ZNF468: variants seen among roughly 807,000 people sequenced by gnomAD.
ZNF468 encodes the protein zinc finger protein 468, also known as zinc finger protein ZNF468.
Under a neutral mutation model 7.2 loss-of-function variants are expected in ZNF468, and 8 were observed. The observed-to-expected ratio is 1.11, with a 90% confidence interval of 0.65 to 2.01. The LOEUF (loss-of-function observed/expected upper bound fraction) is 2.01. Among genes scored for constraint, ZNF468 ranks in the 30% most tolerant of loss-of-function variants. ZNF468 has a pLI of 0.00. For missense variants in ZNF468, 608 were observed against 626.5 expected (o/e 0.97, Z 0.31); for synonymous variants, 218 against 214.4 (o/e 1.02, Z -0.15).
At chr19:52,842,184 T>G (rs373366254) in intron 3 of ZNF468, 33 bp from the exon 4 acceptor site, 50 of 1,525,494 alleles carry the variant, frequency 3.3e-5, no homozygotes, top group Non-Finnish European at 4.3e-5. Flanking sequence ...GGTTTCCAAT[T>G]AAGTACAGAC....
At chr19:52,854,616 C>G (rs754801638) in intron 1 of ZNF468, among the ~76,000 whole-genome samples, 2 of 152,102 alleles carry the variant, frequency 1.3e-5, no homozygotes, top group Non-Finnish European at 2.9e-5. Context: ...TATGGTGGTA[C>G]GCATCTGTGT....
intron 2 of ZNF468, among the ~76,000 whole-genome samples, chr19:52,853,503 G>A (rs1460401461): frequency 2.6e-5 from 4 of 152,076 alleles, no homozygotes; most frequent in Admixed American, 1.3e-4. Flanking sequence ...AGCCTGGCCA[G>A]CATGCTGAAA....
At chr19:52,857,295 G>A (rs1346678750) in intron 1 of ZNF468, among the ~76,000 whole-genome samples, 2 of 152,232 alleles carry the variant, frequency 1.3e-5, no homozygotes, top group African/African-American at 2.4e-5. Context: ...AAAGAGCCGT[G>A]CGGAAGGAGT....
chr19:52,850,535 CAAAG>C (rs934978957), intron 2 of ZNF468, among the ~76,000 whole-genome samples: 6 of 152,214 alleles, frequency 3.9e-5, no homozygotes, highest in Admixed American at 3.9e-4. Context: ...TACTGGGACA[CAAAG>C]AAGAAAACAA....
chr19:52,841,959 G>A lies in ZNF468; in HGVS notation c.335C>T (p.Pro112Leu), dbSNP rs141856841. The change falls in exon 4 of 4, where the codon CCC (proline) becomes CTC (leucine). Residue 112 changes from proline (P) to leucine (L), a missense_variant. Pro to Leu is a moderately conservative substitution (Grantham distance 98). Transcript: ENST00000595646. ...AGCCAACTCTTTGATTTCTGTCATG[G>A]GTGCTGCATGGCCATTTGTTTCATC... ...KEDETNGHAA[P>L]MTEIKELAGS... 26 of 1,613,660 alleles carry A rather than the reference G, an allele frequency of 1.6e-5. 1 individual carries two copies. Among genetic ancestry groups the A allele is most frequent in the South Asian group, 2.2e-5 (2 of 91,046 alleles).
chr19:52,849,479 C>A (rs760191630), intron 2 of ZNF468: 111 of 679,102 alleles, frequency 1.6e-4, no homozygotes, highest in Non-Finnish European at 2.2e-4. Context: ...ATGTAGGGTT[C>A]CTGTTATAAA....
chr19:52,847,491 G>C (rs1009959361), intron 3 of ZNF468, among the ~76,000 whole-genome samples: 14 of 150,742 alleles, frequency 9.3e-5, no homozygotes, highest in Admixed American at 8.0e-4. Context: ...CTGAGGAGGA[G>C]TAGTGAAAGA....
chr19:52,854,418 T>C (rs1469174455), intron 1 of ZNF468, 73 bp from the exon 2 acceptor site: 10 of 1,422,040 alleles, frequency 7.0e-6, no homozygotes, highest in East Asian at 2.4e-5. Context: ...GACACAAACA[T>C]AGGAGACCTC....
At chr19:52,848,348 C>T (rs761236460) in intron 3 of ZNF468, among the ~76,000 whole-genome samples, 3 of 152,032 alleles carry the variant, frequency 2.0e-5, no homozygotes, top group Non-Finnish European at 4.4e-5. Context: ...GAGTCCCAGC[C>T]CTAGGTTTCA....
chr19:52,839,489 C>T lies in ZNF468; in HGVS notation c.*1236G>A, dbSNP rs930846811. On this transcript the variant is annotated 3_prime_UTR_variant, in exon 4 of 4. Transcript: ENST00000595646. ...AACTCAGGTCAAGGCTGATTTGACT[C>T]TAATGTCAATTAATGCTTGATGGTT... 1.1e-5 allele frequency: 5 copies of T among 440,184 alleles called. No homozygotes were observed. Among genetic ancestry groups the T allele is most frequent in the Non-Finnish European group, 2.3e-5 (5 of 219,306 alleles). 27.3% of individuals were successfully genotyped at this position (440,184 alleles called of 1,614,324 possible). A position where few individuals can be genotyped will look rare whatever the true frequency, so the allele number is the denominator to read the frequency against.
At chr19:52,853,918 C>G in intron 2 of ZNF468, 1 of 1,360,296 alleles carries the variant, frequency 7.4e-7, no homozygotes, top group African/African-American at 1.5e-5. Context: ...GGCAGCTGCT[C>G]CAATCCTGGT....
chr19:52,846,039 G>C (rs116341135), intron 3 of ZNF468, among the ~76,000 whole-genome samples: 5,345 of 152,052 alleles, frequency 0.035, 296 homozygotes, highest in African/African-American at 0.12. Flanking sequence ...TAAAAGGACA[G>C]ATACAGAAAC....
Position 52,841,565 on chromosome 19 carries a change from A to G in ZNF468, c.729T>C (p.Cys243=), listed in dbSNP as rs745725356. 3 of 1,614,086 alleles carry G rather than the reference A, an allele frequency of 1.9e-6. No individual in the cohort carries two copies. The highest frequency in any genetic ancestry group is 2.7e-5 in the African/African-American group (2 of 75,048). ...HQIIHLEEKQ[C]KCDVCGKVFN... is the part of the protein sequence containing the mutation. ...AGACCTTGCCACATACATCACATTT[A>G]CATTGTTTCTCTTCTAAGTGAATTA... Residue 243 remains cysteine (C), a synonymous_variant, in exon 4 of 4, where the codon TGT becomes TGC. Transcript: ENST00000595646.
intron 3 of ZNF468, among the ~76,000 whole-genome samples, chr19:52,847,451 C>T (rs1442139145): frequency 3.4e-5 from 5 of 147,612 alleles, no homozygotes; most frequent in Non-Finnish European, 6.0e-5. Context: ...ACCTTACATC[C>T]CCCCGCCTGA....
intron 2 of ZNF468, among the ~76,000 whole-genome samples, chr19:52,851,400 C>A (rs1490815839): frequency 6.6e-6 from 1 of 152,088 alleles, no homozygotes; most frequent in Non-Finnish European, 1.5e-5. Flanking sequence ...AAAGGTGAAA[C>A]CCTGTCGCTA....
chr19:52,853,886 A>G, intron 2 of ZNF468: 1 of 1,274,276 alleles, frequency 7.8e-7, no homozygotes, highest in South Asian at 2.9e-5. Context: ...TACTTCGTGC[A>G]TATTAATACG....
rs367929438 is a variant in ZNF468, at chr19:52,839,840, T to C, written c.*885A>G. ...AGTGAAATGCAAGGCATGAACGATG[T>C]CTGAAAAATTTGCCACATTTATTAC... On this transcript the variant is annotated 3_prime_UTR_variant, in exon 4 of 4. Coordinates refer to ENST00000595646, the MANE Select transcript of ZNF468 (RefSeq NM_001008801.2). 5.1e-6 allele frequency: 3 copies of C among 586,980 alleles called. No individual in the cohort carries two copies. The highest frequency in any genetic ancestry group is 9.8e-5 in the East Asian group (2 of 20,310). The allele number at this position is 586,980 out of a possible 1,614,324, so 36.4% of individuals were successfully genotyped here.
intron 2 of ZNF468, chr19:52,849,685 A>T (rs2063369299): frequency 6.0e-6 from 1 of 167,098 alleles, no homozygotes. Context: ...GGTTGCAGTG[A>T]TCCCAGATCG....
rs1292567113 is a variant in ZNF468, at chr19:52,840,023, A to G, written c.*702T>C. ...GACTGCCCACTAAAGGGTTTGCCAC[A>G]CTCATTGCACTTGTAAGGTTTCTCT... On this transcript the variant is annotated 3_prime_UTR_variant, in exon 4 of 4. Coordinates refer to ENST00000595646, the MANE Select transcript of ZNF468 (RefSeq NM_001008801.2). The G allele has an allele frequency of 2.4e-5, 31 of 1,304,728 alleles. No homozygotes were observed. In the East Asian group the frequency reaches 5.8e-4, roughly 25 times the overall value. The allele number at this position is 1,304,728 out of a possible 1,614,324, so 80.8% of individuals were successfully genotyped here.
Sources: gnomAD v4.1 joint callset for allele counts (sites outside exome capture counted in the v4.1 genomes callset) on GRCh38, gnomAD v4.1.1 for gene constraint, MANE v1.5 for transcripts, NCBI Gene and HGNC (gene_info 2026-07-23, HGNC 2026-07-21) for gene names.